The following TMEM131L variants were observed in gnomAD, a reference collection of about 807,000 sequenced individuals.
TMEM131L encodes transmembrane 131 like.
In TMEM131L, 54 loss-of-function variants were observed where a neutral mutation model predicts 192.2. That is an observed-to-expected ratio of 0.28 (90% CI 0.23 to 0.35). TMEM131L has a LOEUF of 0.35. Among genes scored for constraint, TMEM131L ranks in the 10% least tolerant of loss-of-function variants. TMEM131L has a pLI of 1.00. For synonymous variants in TMEM131L, 701 were observed against 704.9 expected (o/e 0.99, Z 0.09); for missense variants, 1,888 against 1,972.9 (o/e 0.96, Z 0.82).
chr4:153,601,734 A>G (rs1003856365), intron 21 of TMEM131L, among the ~76,000 whole-genome samples: 1 of 152,220 alleles, frequency 6.6e-6, no homozygotes, highest in Non-Finnish European at 1.5e-5. Flanking sequence ...GCACTTATAC[A>G]TCCTCTTAAC....
In TMEM131L at chr4:153,580,773, G is replaced by A. The variant is rs867883974; in HGVS notation, c.661-53G>A. On this transcript the variant is annotated intron_variant, in intron 7 of 34. Transcript: ENST00000409959. ...ACTTGATAAATTGTTTATTATTAGT[G>A]TGAGATTGAGCCTTTTACTTAAAGT... 26 of 993,890 alleles carry A rather than the reference G, an allele frequency of 2.6e-5. No individual in the cohort carries two copies. In the African/African-American group the frequency reaches 3.6e-4, roughly 14 times the overall value. 61.6% of individuals were successfully genotyped at this position (993,890 alleles called of 1,614,324 possible).
chr4:153,546,437 G>A (rs368370993), intron 3 of TMEM131L, among the ~76,000 whole-genome samples: 9 of 152,026 alleles, frequency 5.9e-5, no homozygotes, highest in African/African-American at 1.4e-4. Context: ...GCTGACTTTC[G>A]CAAGAAAGGG....
At chr4:153,601,914 G>A (rs1731864701) in intron 21 of TMEM131L, 1 of 289,386 alleles carries the variant, frequency 3.5e-6, no homozygotes, top group Admixed American at 5.0e-5. Flanking sequence ...TCTTGGTAGA[G>A]CATTTCATGT....
At chr4:153,587,971 C>T (rs950905526) in intron 15 of TMEM131L, among the ~76,000 whole-genome samples, 160 bp downstream of exon 15, 1 of 150,422 alleles carries the variant, frequency 6.6e-6, no homozygotes, top group Non-Finnish European at 1.5e-5. Context: ...TTGTTAAGAA[C>T]CCTCCAGAAA....
chr4:153,578,808 CA>C (rs1490070439), intron 7 of TMEM131L, among the ~76,000 whole-genome samples: 1 of 151,954 alleles, frequency 6.6e-6, no homozygotes, highest in Non-Finnish European at 1.5e-5. Context: ...GCGTGAGCCA[CA>C]ATGCCTGGCC....
chr4:153,509,666 G>A (rs1188437563), intron 3 of TMEM131L, among the ~76,000 whole-genome samples: 4 of 152,144 alleles, frequency 2.6e-5, no homozygotes. Flanking sequence ...ACAGTGAGCT[G>A]AGATCGTACC....
intron 3 of TMEM131L, among the ~76,000 whole-genome samples, chr4:153,484,915 C>T (rs1487030995): frequency 2.1e-5 from 3 of 146,090 alleles, no homozygotes; most frequent in Admixed American, 6.8e-5. Context: ...GTCAGGAGAT[C>T]GAGACCATCC....
At position 153,626,135 on chromosome 4, in the gene TMEM131L, C is replaced by T; in HGVS notation, c.4046-12C>T. 1.3e-6 allele frequency: 2 copies of T among 1,582,432 alleles called. No individual in the cohort carries two copies. The highest frequency in any genetic ancestry group is 1.1e-5 in the South Asian group (1 of 89,356). The stretch of plus-strand genomic sequence containing the variant: ...TTTTGAAACTTGTGATAATGTGTTT[C>T]TTTTAATGCAGGAGACAGTGTTTCA... On this transcript the variant is annotated splice_polypyrimidine_tract_variant and intron_variant, in intron 29 of 34. Coordinates refer to ENST00000409959, the MANE Select transcript of TMEM131L (RefSeq NM_001131007.2).
chr4:153,624,995 A>G (rs1733731537), intron 29 of TMEM131L, among the ~76,000 whole-genome samples: 1 of 152,236 alleles, frequency 6.6e-6, no homozygotes, highest in Non-Finnish European at 1.5e-5. Flanking sequence ...TGTCTCGCTC[A>G]GCCTTTTTAG....
chr4:153,551,744 T>C (rs931945317), intron 4 of TMEM131L, among the ~76,000 whole-genome samples: 8 of 152,238 alleles, frequency 5.3e-5, no homozygotes, highest in Admixed American at 5.2e-4. Context: ...TTGCCGACTT[T>C]ATAAAATTCT....
At chr4:153,525,780 C>T (rs1382830300) in intron 3 of TMEM131L, among the ~76,000 whole-genome samples, 2 of 152,158 alleles carry the variant, frequency 1.3e-5, no homozygotes, top group African/African-American at 4.8e-5. Flanking sequence ...CAGGAATCAT[C>T]GAGGGATCTT....
At chr4:153,514,478 A>G (rs951778229) in intron 3 of TMEM131L, among the ~76,000 whole-genome samples, 4 of 152,224 alleles carry the variant, frequency 2.6e-5, no homozygotes, top group Non-Finnish European at 2.9e-5. Flanking sequence ...AGCCACTTCT[A>G]TTATAAAAGT....
At chr4:153,490,971 A>G (rs1055537475) in intron 3 of TMEM131L, among the ~76,000 whole-genome samples, 35 of 151,522 alleles carry the variant, frequency 2.3e-4, no homozygotes, top group African/African-American at 7.0e-4. Context: ...AAAAAAAAAA[A>G]AAAGAAAGCC....
chr4:153,578,076 G>C (rs1730079452), intron 7 of TMEM131L, among the ~76,000 whole-genome samples: 1 of 152,210 alleles, frequency 6.6e-6, no homozygotes, highest in Non-Finnish European at 1.5e-5. Flanking sequence ...GAAAAACCGA[G>C]AGGGACAAGT....
intron 3 of TMEM131L, among the ~76,000 whole-genome samples, chr4:153,516,012 T>C (rs1434317183): frequency 6.6e-6 from 1 of 152,094 alleles, no homozygotes; most frequent in Non-Finnish European, 1.5e-5. Flanking sequence ...ATTATAGACG[T>C]GAGCCACTGG....
chr4:153,585,045 C>G (rs1487891209), intron 12 of TMEM131L, 114 bp downstream of exon 12: 1 of 757,774 alleles, frequency 1.3e-6, no homozygotes, highest in East Asian at 2.7e-5. Context: ...CTCTCACTGG[C>G]CTTGCCTCCC....
chr4:153,561,106 GGTTTT>G (rs1336142175), intron 7 of TMEM131L, among the ~76,000 whole-genome samples: 1 of 152,128 alleles, frequency 6.6e-6, no homozygotes, highest in African/African-American at 2.4e-5. Context: ...TATCTCATGT[GGTTTT>G]GATTTGCATT....
intron 28 of TMEM131L, among the ~76,000 whole-genome samples, chr4:153,622,392 C>T (rs535942539): frequency 1.3e-5 from 2 of 152,304 alleles, no homozygotes; most frequent in South Asian, 4.1e-4. Context: ...AGACGCATGC[C>T]CCATGTCCCG....
At chr4:153,487,322 C>T (rs879769605) in intron 3 of TMEM131L, among the ~76,000 whole-genome samples, 3 of 152,104 alleles carry the variant, frequency 2.0e-5, no homozygotes, top group Non-Finnish European at 2.9e-5. Context: ...ACCTAGAATC[C>T]GTACGTATTC....
Sources: gnomAD v4.1 joint callset for allele counts (sites outside exome capture counted in the v4.1 genomes callset) on GRCh38, gnomAD v4.1.1 for gene constraint, MANE v1.5 for transcripts, NCBI Gene and HGNC (gene_info 2026-07-23, HGNC 2026-07-21) for gene names.